Variants in SNX25 observed in about 807,000 individuals in gnomAD.
SNX25 encodes sorting nexin 25.
In SNX25, 62 loss-of-function variants were observed where a neutral mutation model predicts 113.7. The ratio of observed to expected loss-of-function variants is 0.55; its 90% confidence interval spans 0.44 to 0.67. The LOEUF is 0.67. SNX25 is among the 30% of genes least tolerant of loss of function. SNX25 has a pLI of 0.00. For missense variants in SNX25, 1,014 were observed against 1,161.0 expected, an observed-to-expected ratio of 0.87 and a Z score of 1.84; for synonymous variants, 421 against 436.2, an observed-to-expected ratio of 0.97 and a Z score of 0.43.
the SNX25 span, chr4:185,378,273 C>T: frequency 1.3e-6 from 2 of 1,564,520 alleles, no homozygotes; most frequent in Non-Finnish European, 1.7e-6. Context: ...AAGAGAGACT[C>T]TATTCCCACC....
intron 5 of SNX25, among the ~76,000 whole-genome samples, chr4:185,281,962 G>A (rs972148118): frequency 6.6e-6 from 1 of 152,098 alleles, no homozygotes; most frequent in Non-Finnish European, 1.5e-5. Context: ...GTTGCAGTGA[G>A]TCGAGATTGC....
At chr4:185,268,190 A>G (rs888993365) in intron 5 of SNX25, among the ~76,000 whole-genome samples, 1 of 152,244 alleles carries the variant, frequency 6.6e-6, no homozygotes, top group Admixed American at 6.5e-5. Flanking sequence ...TTAGAAAAGC[A>G]CTGGAAGGAC....
At chr4:185,256,276 G>A (rs1746413785) in intron 2 of SNX25, among the ~76,000 whole-genome samples, 1 of 152,124 alleles carries the variant, frequency 6.6e-6, no homozygotes, top group Admixed American at 6.5e-5. Context: ...TGAGGCTGCT[G>A]GAATCACTCT....
chr4:185,266,809 T>C (rs982635203), intron 4 of SNX25, among the ~76,000 whole-genome samples, 160 bp from the exon 5 acceptor site: 2 of 151,824 alleles, frequency 1.3e-5, no homozygotes, highest in Non-Finnish European at 2.9e-5. Flanking sequence ...TATGTGTGCA[T>C]GTGTGTACAT....
At chr4:185,283,470 C>T (rs1474663930) in intron 5 of SNX25, among the ~76,000 whole-genome samples, 1 of 151,978 alleles carries the variant, frequency 6.6e-6, no homozygotes, top group Admixed American at 6.6e-5. Flanking sequence ...GGAGTGTGTT[C>T]ATGGTATCAC....
chr4:185,296,191 G>T (rs543387992), intron 6 of SNX25, among the ~76,000 whole-genome samples: 5 of 152,046 alleles, frequency 3.3e-5, no homozygotes, highest in African/African-American at 1.2e-4. Context: ...TGGCCTTGTC[G>T]TCTCCTACAG....
intron 1 of SNX25, among the ~76,000 whole-genome samples, chr4:185,224,483 ATATATAAATAG>A (rs1269198445): frequency 4.8e-5 from 6 of 125,492 alleles, no homozygotes; most frequent in African/African-American, 1.7e-4. Flanking sequence ...AAATATATAG[ATATATAAATAG>A]ATATATAAAT....
intron 7 of SNX25, among the ~76,000 whole-genome samples, chr4:185,311,831 C>T (rs1383249470): frequency 2.0e-5 from 3 of 152,176 alleles, no homozygotes; most frequent in African/African-American, 4.8e-5. Context: ...CAGGAAGGGC[C>T]AGCCCCAGCA....
In SNX25 at chr4:185,362,643, GC is replaced by G; in HGVS notation, c.2869del (p.Arg957AlafsTer4). ...MLQSLVGQQN[A>X]RHGIIKIFNA... ...TCAGAGCCTTGTTGGACAGCAAAATGCCCGCCACGGTATAATAAAAATATTC... is the reference window on the plus strand; with the variant it reads ...TCAGAGCCTTGTTGGACAGCAAAATGCCGCCACGGTATAATAAAAATATTC... On this transcript the variant is annotated frameshift_variant, in exon 18 of 19. Transcript: ENST00000652585. LOFTEE classifies it high-confidence loss of function. 6.2e-7 allele frequency: 1 copy of G among 1,614,056 alleles called. No homozygotes were observed. The highest frequency in any genetic ancestry group is 8.5e-7 in the Non-Finnish European group (1 of 1,179,998).
Position 185,332,579 on chromosome 4 carries a change from G to A in SNX25, c.1750-16G>A. On this transcript the variant is annotated splice_polypyrimidine_tract_variant and intron_variant, in intron 9 of 18. Transcript: ENST00000652585. The stretch of plus-strand genomic sequence containing the variant: ...CTATCATTATAAGATATGGTGGTAT[G>A]TGACTCTCCCCCTAGGGCCCAAGAG... 1 of 1,598,338 alleles carries A rather than the reference G, an allele frequency of 6.3e-7. No homozygotes were observed.
chr4:185,299,635 T>C (rs1753352988), intron 6 of SNX25, among the ~76,000 whole-genome samples: 1 of 152,182 alleles, frequency 6.6e-6, no homozygotes. Context: ...ACTACCTAGC[T>C]TTTTATTTAG....
chr4:185,373,784 A>G (rs1158243267), downstream of SNX25, among the ~76,000 whole-genome samples: 2 of 152,128 alleles, frequency 1.3e-5, no homozygotes, highest in African/African-American at 4.8e-5. Flanking sequence ...ATTTGTAACT[A>G]ATTCTTGGTA....
At chr4:185,217,123 G>T (rs549352164) in intron 1 of SNX25, among the ~76,000 whole-genome samples, 2 of 152,242 alleles carry the variant, frequency 1.3e-5, no homozygotes, top group African/African-American at 4.8e-5. Flanking sequence ...ATATGTGATT[G>T]GGGTGGACTT....
intron 10 of SNX25, 21 bp from the exon 11 acceptor site, chr4:185,339,358 A>G: frequency 6.2e-7 from 1 of 1,612,602 alleles, no homozygotes; most frequent in Non-Finnish European, 8.5e-7. Context: ...CATAACTCCC[A>G]GGATATTTTC....
upstream of SNX25, among the ~76,000 whole-genome samples, chr4:185,206,980 C>G (rs1737214540): frequency 6.6e-6 from 1 of 152,062 alleles, no homozygotes; most frequent in African/African-American, 2.4e-5. Flanking sequence ...TTCTGATGTC[C>G]AAGGATGGGA....
At chr4:185,289,268 CA>C (rs1245651270) in intron 6 of SNX25, among the ~76,000 whole-genome samples, 2 of 152,050 alleles carry the variant, frequency 1.3e-5, no homozygotes, top group Non-Finnish European at 2.9e-5. Context: ...AGACAATCAA[CA>C]AAAAAATATG....
downstream of SNX25, chr4:185,365,738 G>C (rs1464603449): frequency 2.0e-5 from 3 of 151,506 alleles, no homozygotes; most frequent in African/African-American, 7.3e-5. Context: ...TGGATTAAGT[G>C]TGGAGAAGAG....
At chr4:185,251,279 G>GC (rs1745597362) in intron 2 of SNX25, among the ~76,000 whole-genome samples, 1 of 152,140 alleles carries the variant, frequency 6.6e-6, no homozygotes, top group South Asian at 2.1e-4. Context: ...ATAGGCATGA[G>GC]CCCCCGCACC....
intron 5 of SNX25, among the ~76,000 whole-genome samples, chr4:185,285,886 C>T (rs1426184010): frequency 1.2e-4 from 19 of 152,062 alleles, no homozygotes; most frequent in Admixed American, 9.8e-4. Context: ...GATCCTCCTG[C>T]CTCAGGCTCC....
Sources: gnomAD v4.1 joint callset for allele counts (sites outside exome capture counted in the v4.1 genomes callset) on GRCh38, gnomAD v4.1.1 for gene constraint, MANE v1.5 for transcripts, NCBI Gene and HGNC (gene_info 2026-07-23, HGNC 2026-07-21) for gene names.